MSH6: variants seen among roughly 807,000 people sequenced by gnomAD.
The protein encoded by MSH6 is DNA mismatch repair protein Msh6.
Under a neutral mutation model 119.1 loss-of-function variants are expected in MSH6, and 85 were observed. That is an observed-to-expected ratio of 0.71 (90% CI 0.60 to 0.85). MSH6 has a LOEUF of 0.85. MSH6 is among the 40% of genes least tolerant of loss of function. MSH6 has a pLI of 0.00. For missense variants in MSH6, 2,163 were observed against 1,655.3 expected (o/e 1.31, Z -5.32); for synonymous variants, 830 against 586.9 (o/e 1.41, Z -5.99).
In MSH6 at chr2:47,799,709, G is replaced by A. The variant is rs1669366443; in HGVS notation, c.1726G>A (p.Asp576Asn). 4 of 1,614,188 alleles carry A rather than the reference G, an allele frequency of 2.5e-6. No homozygotes were observed. The highest frequency in any genetic ancestry group is 3.4e-6 in the Non-Finnish European group (4 of 1,180,032). ...GTTTTTCATAGGTCAGTTTTCAGAT[G>A]ATCGCCATTGTTCGAGATTTAGGAC... ...GKFFIGQFSD[D>N]RHCSRFRTLV... Residue 576 changes from aspartate to asparagine, a missense_variant, in exon 4 of 10, where the codon GAT (aspartate) becomes AAT (asparagine). Asp to Asn is a conservative substitution (Grantham distance 23). Coordinates refer to ENST00000234420, the MANE Select transcript of MSH6 (RefSeq NM_000179.3).
At chr2:47,809,193 T>A (rs764537780), downstream of MSH6, 2 of 1,605,524 alleles carry the variant, frequency 1.2e-6, no homozygotes, top group Non-Finnish European at 1.7e-6. Context: ...TGGTATAACT[T>A]GATATTTTAT....
chr2:47,791,148 G>GTGTGTT, intron 2 of MSH6, 25 bp downstream of exon 2: 1 of 1,583,738 alleles, frequency 6.3e-7, no homozygotes, highest in Admixed American at 1.7e-5. Context: ...TGCCATGTGT[G>GTGTGTT]TGTGTTTGTG....
downstream of MSH6, chr2:47,807,768 G>C: frequency 4.0e-6 from 1 of 249,760 alleles, no homozygotes; most frequent in Non-Finnish European, 7.8e-6. Flanking sequence ...CAACAAAGCT[G>C]CTTGTCTATT....
chr2:47,789,498 C>T (rs1482067291), intron 1 of MSH6: 6 of 441,340 alleles, frequency 1.4e-5, no homozygotes, highest in Non-Finnish European at 2.3e-5. Flanking sequence ...TGAAATAATT[C>T]TTTTCTAATG....
downstream of MSH6, chr2:47,809,876 CT>C (rs1670490412): frequency 3.6e-6 from 2 of 550,764 alleles, no homozygotes; most frequent in Non-Finnish European, 6.4e-6. Flanking sequence ...GTAACATTCA[CT>C]TATCAATGAC....
At chr2:47,795,420 TTATG>T (rs1558655967) in intron 2 of MSH6, among the ~76,000 whole-genome samples, 9 of 116,886 alleles carry the variant, frequency 7.7e-5, no homozygotes, top group Non-Finnish European at 1.6e-4. Context: ...ACAAGTTATT[TTATG>T]TGTGTGTGTG....
rs377722465 is a variant in MSH6, at chr2:47,800,224, G to A, written c.2241G>A (p.Leu747=). 3.7e-6 allele frequency: 6 copies of A among 1,614,056 alleles called. No individual in the cohort carries two copies. The African/African-American group carries it at 5.3e-5, about 14-fold the overall frequency. Residue 747 remains leucine (L), a synonymous_variant, in exon 4 of 10, where the codon CTG becomes CTA. Coordinates refer to ENST00000234420, the MANE Select transcript of MSH6 (RefSeq NM_000179.3). The part of the protein sequence containing the change: ...AVTLNNLEIF[L]NGTNGSTEGT... ...CATTAAACAACTTGGAGATTTTTCT[G>A]AATGGAACAAATGGTTCTACTGAAG...
rs1669594792 is a variant in MSH6 at position 47,801,474 on chromosome 2, C to G, written c.3172+319C>G. On this transcript the variant is annotated intron_variant, in intron 4 of 9. Transcript: ENST00000234420. ...CCTCGACCTCCCAGGCTTAAGTGAT[C>G]TTTCCACCTCAGCCTCCCAAGTAGC... 1.3e-5 allele frequency: 4 copies of G among 301,084 alleles called. No individual in the cohort carries two copies. The Admixed American group carries it at 2.1e-4, about 16-fold the overall frequency. 18.7% of individuals were successfully genotyped at this position (301,084 alleles called of 1,614,324 possible).
At chr2:47,790,821 T>C in intron 1 of MSH6, 106 bp from the exon 2 acceptor site, 1 of 1,009,434 alleles carries the variant, frequency 9.9e-7, no homozygotes, top group South Asian at 1.4e-5. Context: ...ATTTCTGTGC[T>C]TCAATATTAA....
At chr2:47,808,625 G>A (rs1670390799), downstream of MSH6, 4 of 496,530 alleles carry the variant, frequency 8.1e-6, no homozygotes, top group African/African-American at 1.9e-5. Flanking sequence ...TCGGAGGGAA[G>A]AGAAATGATT....
At chr2:47,802,560 G>A (rs1669663075) in intron 4 of MSH6, among the ~76,000 whole-genome samples, 1 of 150,734 alleles carries the variant, frequency 6.6e-6, no homozygotes, top group Admixed American at 6.6e-5. Flanking sequence ...TTGAATTCCT[G>A]ACCTCAAAGC....
rs531674673 is a variant in MSH6 at position 47,804,960 on chromosome 2, A to T, written c.3489A>T (p.Glu1163Asp). The T allele has an allele frequency of 1.9e-6, 3 of 1,614,040 alleles. No individual in the cohort carries two copies. The highest frequency in any genetic ancestry group is 3.3e-5 in the Admixed American group (2 of 59,998). The change falls in exon 6 of 10, where the codon GAA (glutamate) becomes GAT (aspartate). Residue 1163 changes from glutamate (E) to aspartate (D), a missense_variant. Transcript: ENST00000234420. ...AGATGGGTTGTTACGTCCCTGCTGAAGTGTGCAGGCTCACACCAATTGATA... is the reference window on the plus strand; with the variant it reads ...AGATGGGTTGTTACGTCCCTGCTGATGTGTGCAGGCTCACACCAATTGATA... ...MAQMGCYVPA[E>D]VCRLTPIDRV...
chr2:47,797,461 A>AT (rs1360463333), intron 3 of MSH6, among the ~76,000 whole-genome samples: 1 of 152,270 alleles, frequency 6.6e-6, no homozygotes, highest in Non-Finnish European at 1.5e-5. Context: ...GATCCGTGAT[A>AT]TGTGAATGTG....
intron 2 of MSH6, among the ~76,000 whole-genome samples, chr2:47,795,062 G>A (rs1037314523): frequency 3.3e-5 from 5 of 152,078 alleles, no homozygotes; most frequent in Non-Finnish European, 7.4e-5. Context: ...CAGAGTGCTG[G>A]GATTACAGGT....
intron 2 of MSH6, among the ~76,000 whole-genome samples, chr2:47,793,952 A>G (rs143867619): frequency 0.014 from 2,082 of 151,824 alleles, 43 homozygotes; most frequent in African/African-American, 0.045. Flanking sequence ...GGCTGGTCTC[A>G]AACTCCTGAC....
chr2:47,802,635 GTTTTTTTTTT>G (rs527836963), intron 4 of MSH6, among the ~76,000 whole-genome samples: 1 of 115,910 alleles, frequency 8.6e-6, no homozygotes, highest in Non-Finnish European at 1.8e-5. Flanking sequence ...GCCCAGCCCT[GTTTTTTTTTT>G]TTTTTTTTTT....
chr2:47,809,618 C>T (rs1670472192), downstream of MSH6: 1 of 1,612,522 alleles, frequency 6.2e-7, no homozygotes, highest in Non-Finnish European at 8.5e-7. Context: ...GTCACATTAA[C>T]ACCAGATGCT....
rs1553333916 is a variant in MSH6 at position 47,806,751 on chromosome 2, C to CTTCT, written c.4002-26_4002-25insCTTT. ...GATGCACTATGAAAAAACAAAAAAA[C>CTTCT]TTTTTTTTTTTTTTTTTTAATTTTA... is the stretch of plus-strand genomic sequence containing the variant. On this transcript the variant is annotated intron_variant, in intron 9 of 9. Transcript: ENST00000234420. The CTTCT allele has an allele frequency of 1.5e-3, 2,120 of 1,444,442 alleles. 23 individuals carry two copies. The African/African-American group carries it at 0.028, about 19-fold the overall frequency. 89.5% of individuals were successfully genotyped at this position (1,444,442 alleles called of 1,614,324 possible). A position where few individuals can be genotyped will look rare whatever the true frequency, so the allele number is the denominator to read the frequency against.
rs567492634 is a variant in MSH6 at position 47,793,946 on chromosome 2, G to C, written c.458-1948G>C. On this transcript the variant is annotated intron_variant, in intron 2 of 9. Coordinates refer to ENST00000234420, the MANE Select transcript of MSH6 (RefSeq NM_000179.3). ...GAGGTTTCACCACGTTGTCCAGGCT[G>C]GTCTCAAACTCCTGACCTTAAGTGA... Among the ~76,000 whole-genome samples, 10 of 151,870 alleles carry C rather than the reference G, an allele frequency of 6.6e-5. No homozygotes were observed. In the South Asian group the frequency reaches 2.1e-3, roughly 32 times the overall value.
Sources: gnomAD v4.1 joint callset for allele counts (sites outside exome capture counted in the v4.1 genomes callset) on GRCh38, gnomAD v4.1.1 for gene constraint, MANE v1.5 for transcripts, NCBI Gene and HGNC (gene_info 2026-07-23, HGNC 2026-07-21) for gene names.